PAK1: variants seen among roughly 807,000 people sequenced by gnomAD.
The protein encoded by PAK1 is p21 (RAC1) activated kinase 1, also known as serine/threonine-protein kinase PAK 1.
In PAK1, 29 loss-of-function variants were observed where a neutral mutation model predicts 67.4. The ratio of observed to expected loss-of-function variants is 0.43; its 90% CI spans 0.32 to 0.59. The LOEUF is 0.59. Ranked by LOEUF, PAK1 falls within the 20% of genes least tolerant of loss-of-function variation. The pLI is 0.07. For missense variants in PAK1, 337 were observed against 670.7 expected (o/e 0.50, Z 5.50); for synonymous variants, 223 against 237.4 (o/e 0.94, Z 0.56).
chr11:77,365,270 A>G (rs6592717), intron 5 of PAK1, among the ~76,000 whole-genome samples: 77,808 of 108,474 alleles, frequency 0.72, 26,348 homozygotes, highest in East Asian at 0.81. Context: ...AAAAAAAAAG[A>G]AAAAAGAAAA....
chr11:77,392,476 A>C lies in PAK1; in HGVS notation c.45T>G (p.Pro15=), dbSNP rs759648397. ...TCATAGTGCTGGTATTTCTCATCGG[A>C]GGGGCTGGGGGTTTGTCTTGAATGT... ...GLDIQDKPPA[P]PMRNTSTMIG... is the part of the protein sequence containing the mutation. Residue 15 remains proline, a synonymous_variant, in exon 2 of 15, where the codon CCT becomes CCG. Transcript: ENST00000356341. 6.2e-7 allele frequency: 1 copy of C among 1,613,656 alleles called. No individual in the cohort carries two copies. Among genetic ancestry groups the C allele is most frequent in the Non-Finnish European group, 8.5e-7 (1 of 1,179,770 alleles).
At chr11:77,477,896 C>G (rs1055213948), upstream of PAK1, among the ~76,000 whole-genome samples, 18 of 152,148 alleles carry the variant, frequency 1.2e-4, no homozygotes, top group African/African-American at 4.3e-4. Context: ...GCACTCCAGC[C>G]CAGGAAACAG....
chr11:77,501,087 G>C, the PAK1 span, among the ~76,000 whole-genome samples: 28 of 151,818 alleles, frequency 1.8e-4, no homozygotes, highest in Non-Finnish European at 3.7e-4. Flanking sequence ...GGAGGCGGAG[G>C]TTGCAGTGAG....
chr11:77,443,023 G>T (rs984933012), intron 1 of PAK1, among the ~76,000 whole-genome samples: 2 of 152,260 alleles, frequency 1.3e-5, no homozygotes, highest in African/African-American at 4.8e-5. Context: ...ATCTAAAACA[G>T]TATAGAATTA....
chr11:77,423,260 G>A (rs1430674055), intron 1 of PAK1, among the ~76,000 whole-genome samples: 1 of 149,530 alleles, frequency 6.7e-6, no homozygotes, highest in African/African-American at 2.5e-5. Flanking sequence ...AGATATGAAA[G>A]GAAGACTGAG....
intron 11 of PAK1, among the ~76,000 whole-genome samples, chr11:77,339,538 C>A (rs1943256613): frequency 6.6e-6 from 1 of 151,890 alleles, no homozygotes; most frequent in Admixed American, 6.6e-5. Context: ...GTATTAATTC[C>A]ATTAATTAAT....
chr11:77,518,120 C>G, the PAK1 span, among the ~76,000 whole-genome samples: 1 of 152,164 alleles, frequency 6.6e-6, no homozygotes, highest in Non-Finnish European at 1.5e-5. Context: ...CAATAATCTC[C>G]ACATAAAGTT....
At chr11:77,329,285 G>GA in intron 14 of PAK1, 1 of 152,320 alleles carries the variant, frequency 6.6e-6, no homozygotes, top group Middle Eastern at 3.4e-3. Flanking sequence ...CTCATTTTAT[G>GA]AGGCCAGCAT....
Position 77,456,846 on chromosome 11 carries a change from G to GT in PAK1, c.-22+16705dup, listed in dbSNP as rs1957103107. Among the ~76,000 whole-genome samples, 7 of 151,872 alleles carry GT rather than the reference G, an allele frequency of 4.6e-5. No homozygotes were observed. In the South Asian group the frequency reaches 1.5e-3, roughly 32 times the overall value. ...AAGCTCCACCTCCCAGGTTCATGCCGTTTTTCTGCCTCAGCCTCTCGAGTA... is the reference window on the plus strand; with the variant it reads ...AAGCTCCACCTCCCAGGTTCATGCCGTTTTTTCTGCCTCAGCCTCTCGAGTA... On this transcript the variant is annotated intron_variant, in intron 1 of 14. Transcript: ENST00000356341.
chr11:77,512,872 T>C, the PAK1 span, among the ~76,000 whole-genome samples: 2 of 152,128 alleles, frequency 1.3e-5, no homozygotes, highest in African/African-American at 4.8e-5. Context: ...GGCAGGTAGA[T>C]CGCTTGAGCC....
chr11:77,442,219 C>T (rs1956385045), intron 1 of PAK1, among the ~76,000 whole-genome samples: 1 of 152,316 alleles, frequency 6.6e-6, no homozygotes, highest in Admixed American at 6.5e-5. Context: ...TAGCCAGCCT[C>T]TAAGATAGTA....
chr11:77,479,985 A>G, the PAK1 span, among the ~76,000 whole-genome samples: 3 of 152,186 alleles, frequency 2.0e-5, no homozygotes, highest in Admixed American at 6.5e-5. Flanking sequence ...CAGAATTTCT[A>G]TCAGGAGAAA....
chr11:77,465,862 T>C (rs920845511), intron 1 of PAK1, among the ~76,000 whole-genome samples: 3 of 152,110 alleles, frequency 2.0e-5, no homozygotes, highest in Non-Finnish European at 2.9e-5. Context: ...AGTGAGACGA[T>C]TGCTTGAGCC....
chr11:77,431,762 A>C (rs1218306698), intron 1 of PAK1, among the ~76,000 whole-genome samples: 1 of 152,232 alleles, frequency 6.6e-6, no homozygotes, highest in Non-Finnish European at 1.5e-5. Flanking sequence ...AACATGTCAT[A>C]ACTAGAAGGG....
At chr11:77,338,360 AAGTAAGAATAAAACAAT>A (rs1943064966) in intron 11 of PAK1, among the ~76,000 whole-genome samples, 1 of 152,218 alleles carries the variant, frequency 6.6e-6, no homozygotes. Context: ...CCAATGGCTA[AAGTAAGAATAAAACAAT>A]ATCCAGAATT....
chr11:77,431,945 T>A (rs1230664891), intron 1 of PAK1, among the ~76,000 whole-genome samples: 1 of 152,134 alleles, frequency 6.6e-6, no homozygotes, highest in East Asian at 1.9e-4. Context: ...TTATCACACA[T>A]CAACACAAGG....
the PAK1 span, among the ~76,000 whole-genome samples, chr11:77,529,648 T>C: frequency 1.3e-5 from 2 of 152,190 alleles, no homozygotes; most frequent in African/African-American, 4.8e-5. Flanking sequence ...CAGAAGGCTC[T>C]TGGAATGCAG....
intron 1 of PAK1, among the ~76,000 whole-genome samples, chr11:77,465,432 T>C (rs954769892): frequency 2.0e-5 from 3 of 152,114 alleles, no homozygotes; most frequent in Non-Finnish European, 2.9e-5. Context: ...AAAAATTATA[T>C]ATATAATCCT....
At chr11:77,423,038 C>T (rs1256591665) in intron 1 of PAK1, among the ~76,000 whole-genome samples, 2 of 151,920 alleles carry the variant, frequency 1.3e-5, no homozygotes, top group African/African-American at 4.8e-5. Context: ...AAAATTAATT[C>T]CTATATTTTA....
Sources: gnomAD v4.1 joint callset for allele counts (sites outside exome capture counted in the v4.1 genomes callset) on GRCh38, gnomAD v4.1.1 for gene constraint, MANE v1.5 for transcripts, NCBI Gene and HGNC (gene_info 2026-07-23, HGNC 2026-07-21) for gene names.